Variants in CDH13 observed in about 807,000 individuals in gnomAD.
The protein encoded by CDH13 is cadherin 13, also known as cadherin-13.
A neutral mutation model predicts 63.8 loss-of-function variants in CDH13; 24 were observed. The ratio of observed to expected loss-of-function variants is 0.38; its 90% confidence interval spans 0.27 to 0.53. The LOEUF is 0.53. CDH13 is among the 20% of genes least tolerant of loss of function. The pLI is 0.85. For missense variants in CDH13, 1,049 were observed against 903.1 expected, an observed-to-expected ratio of 1.16 and a Z score of -2.07; for synonymous variants, 503 against 355.3, an observed-to-expected ratio of 1.42 and a Z score of -4.67.
chr16:82,907,856 A>G (rs55780602), intron 2 of CDH13, among the ~76,000 whole-genome samples: 21,831 of 151,946 alleles, frequency 0.14, 1,750 homozygotes, highest in African/African-American at 0.19. Context: ...GTTCCCCCCA[A>G]AGTAGAGATA....
At chr16:82,738,010 GTT>G (rs2033761011) in intron 1 of CDH13, among the ~76,000 whole-genome samples, 1 of 152,120 alleles carries the variant, frequency 6.6e-6, no homozygotes, top group South Asian at 2.1e-4. Flanking sequence ...TTAATAAAAT[GTT>G]TAAGTGCACA....
intron 4 of CDH13, among the ~76,000 whole-genome samples, chr16:83,215,155 C>T (rs1348573839): frequency 7.4e-6 from 1 of 135,140 alleles, no homozygotes; most frequent in South Asian, 2.5e-4. Context: ...CAGCTCACTG[C>T]AACCTATGCC....
intron 1 of CDH13, among the ~76,000 whole-genome samples, chr16:82,756,159 AT>A (rs1442050699): frequency 2.6e-5 from 4 of 152,170 alleles, no homozygotes; most frequent in Admixed American, 2.6e-4. Flanking sequence ...AAAGTTGCAT[AT>A]TTCTATTTGT....
chr16:83,372,601 A>G (rs2091389015), intron 6 of CDH13, among the ~76,000 whole-genome samples: 1 of 151,692 alleles, frequency 6.6e-6, no homozygotes, highest in Non-Finnish European at 1.5e-5. Flanking sequence ...AAAATATAAA[A>G]ATTTACTGGG....
Position 83,796,826 on chromosome 16 carries a change from G to T in CDH13, c.*1796G>T, listed in dbSNP as rs566865934. On this transcript the variant is annotated 3_prime_UTR_variant, in exon 14 of 14. Coordinates refer to ENST00000567109, the MANE Select transcript of CDH13 (RefSeq NM_001257.5). ...GAGGGTGTCATAATCAGCTATAAAG[G>T]TAATTGCATACTCAAAGATGAGACG... 5.9e-5 allele frequency: 9 copies of T among 152,240 alleles called. No individual in the cohort carries two copies. Among genetic ancestry groups the T allele is most frequent in the African/African-American group, 2.2e-4 (9 of 41,534 alleles). The allele number at this position is 152,240 out of a possible 1,614,324, so 9.4% of individuals were successfully genotyped here. A position where few individuals can be genotyped will look rare whatever the true frequency, so the allele number is the denominator to read the frequency against.
intron 1 of CDH13, among the ~76,000 whole-genome samples, chr16:82,750,814 C>G (rs1226577019): frequency 6.6e-6 from 1 of 152,084 alleles, no homozygotes; most frequent in African/African-American, 2.4e-5. Context: ...GGCAAAGACT[C>G]TGATTTCCAA....
intron 5 of CDH13, among the ~76,000 whole-genome samples, chr16:83,301,619 G>A (rs149129869): frequency 6.6e-6 from 1 of 152,120 alleles, no homozygotes; most frequent in Non-Finnish European, 1.5e-5. Context: ...TTGTTCTAGG[G>A]AAGCCGTGTT....
intron 7 of CDH13, among the ~76,000 whole-genome samples, chr16:83,515,593 C>A (rs1018688875): frequency 2.6e-4 from 40 of 152,252 alleles, no homozygotes; most frequent in African/African-American, 9.4e-4. Context: ...CCCCAGCTGT[C>A]AAAGTTTCCA....
chr16:83,731,033 A>T (rs379558), intron 10 of CDH13, among the ~76,000 whole-genome samples: 1 of 151,722 alleles, frequency 6.6e-6, no homozygotes, highest in Admixed American at 6.6e-5. Context: ...CATGGTATAC[A>T]CGCACTGCAT....
At chr16:83,163,528 C>G (rs1300873825) in intron 4 of CDH13, among the ~76,000 whole-genome samples, 2 of 152,130 alleles carry the variant, frequency 1.3e-5, no homozygotes, top group African/African-American at 4.8e-5. Context: ...GAGCCATTGG[C>G]ACTCACCCAT....
intron 1 of CDH13, among the ~76,000 whole-genome samples, chr16:82,794,642 T>C (rs2036492253): frequency 6.6e-6 from 1 of 152,180 alleles, no homozygotes. Flanking sequence ...AGAAGCTTAA[T>C]TTCTCTTTGA....
intron 2 of CDH13, among the ~76,000 whole-genome samples, chr16:82,907,362 A>T (rs1247444123): frequency 1.3e-5 from 2 of 151,992 alleles, no homozygotes; most frequent in African/African-American, 4.8e-5. Context: ...GGCTCCACAA[A>T]CCCCTGTTTA....
At chr16:82,832,165 G>C (rs907794180) in intron 1 of CDH13, among the ~76,000 whole-genome samples, 3 of 152,156 alleles carry the variant, frequency 2.0e-5, no homozygotes, top group Non-Finnish European at 4.4e-5. Context: ...TAAGAGTCAA[G>C]GAGACATTTT....
At chr16:83,166,083 C>T (rs1211770627) in intron 4 of CDH13, among the ~76,000 whole-genome samples, 1 of 152,118 alleles carries the variant, frequency 6.6e-6, no homozygotes, top group Non-Finnish European at 1.5e-5. Context: ...TTGCCATTAG[C>T]AGCAGGCAGT....
intron 5 of CDH13, among the ~76,000 whole-genome samples, chr16:83,227,602 C>T (rs1203543314): frequency 6.6e-6 from 1 of 152,206 alleles, no homozygotes; most frequent in Non-Finnish European, 1.5e-5. Context: ...TTAATTGAAG[C>T]AGATGCGTGA....
intron 2 of CDH13, among the ~76,000 whole-genome samples, chr16:83,026,765 C>G (rs957406505): frequency 3.9e-5 from 6 of 152,150 alleles, no homozygotes. Flanking sequence ...AATAGTAGTG[C>G]CATGACTGTT....
intron 1 of CDH13, among the ~76,000 whole-genome samples, chr16:82,637,365 G>C (rs1468765271): frequency 6.7e-6 from 1 of 148,796 alleles, no homozygotes; most frequent in African/African-American, 2.5e-5. Context: ...AGTGAGTGCT[G>C]TATGCCAGGC....
intron 6 of CDH13, among the ~76,000 whole-genome samples, chr16:83,369,277 A>G (rs945857066): frequency 2.6e-5 from 4 of 152,042 alleles, no homozygotes; most frequent in African/African-American, 9.7e-5. Flanking sequence ...ATTTTCTAGT[A>G]GCAGTATATC....
intron 8 of CDH13, among the ~76,000 whole-genome samples, chr16:83,634,004 C>CA: frequency 6.6e-6 from 1 of 152,162 alleles, no homozygotes; most frequent in East Asian, 1.9e-4. Context: ...CAGCTTCCTC[C>CA]GTAGTAACAT....
Sources: gnomAD v4.1 joint callset for allele counts (sites outside exome capture counted in the v4.1 genomes callset) on GRCh38, gnomAD v4.1.1 for gene constraint, MANE v1.5 for transcripts, NCBI Gene and HGNC (gene_info 2026-07-23, HGNC 2026-07-21) for gene names.